The following ESR2 variants were observed in gnomAD, a reference collection of about 807,000 sequenced individuals.
ESR2 encodes the protein estrogen receptor 2.
In ESR2, 36 loss-of-function variants were observed where a neutral mutation model predicts 49.6. The ratio of observed to expected loss-of-function variants is 0.73; its 90% CI spans 0.56 to 0.96. The LOEUF is 0.96. Among genes scored for constraint, ESR2 ranks in the 40% least tolerant of loss-of-function variants. The pLI, the probability that ESR2 is intolerant of heterozygous loss-of-function variation, is 0.00. For missense variants in ESR2, 714 were observed against 693.0 expected (o/e 1.03, Z -0.34); for synonymous variants, 320 against 266.1 (o/e 1.20, Z -1.97).
At chr14:64,237,555 G>C (rs1394137409) in intron 7 of ESR2, among the ~76,000 whole-genome samples, 1 of 152,182 alleles carries the variant, frequency 6.6e-6, no homozygotes, top group Non-Finnish European at 1.5e-5. Context: ...TCAGTTCAAA[G>C]TGACAAAGAT....
downstream of ESR2, chr14:64,228,126 A>G: frequency 1.7e-6 from 2 of 1,153,970 alleles, no homozygotes; most frequent in South Asian, 2.2e-5. Flanking sequence ...ACATTAAAGC[A>G]GAGCTTCTTA....
At position 64,240,815 on chromosome 14, in the gene ESR2, C is replaced by G. The variant is rs187895919; in HGVS notation, c.1226-5665G>C. ...CTTTATATTAGATGATTTTGCCCAACTGCAGGGTAATGTAAGTATTCTGAA... is the reference window on the plus strand; with the variant it reads ...CTTTATATTAGATGATTTTGCCCAAGTGCAGGGTAATGTAAGTATTCTGAA... On this transcript the variant is annotated intron_variant, in intron 7 of 8. Transcript: ENST00000341099. Among the ~76,000 whole-genome samples, 18 of 152,276 alleles carry G rather than the reference C, an allele frequency of 1.2e-4. No homozygotes were observed. The East Asian group carries it at 3.3e-3, about 28-fold the overall frequency.
chr14:64,255,942 T>C lies in ESR2; in HGVS notation c.1091+1284A>G, dbSNP rs575350814. On this transcript the variant is annotated intron_variant, in intron 6 of 8. Coordinates refer to ENST00000341099, the MANE Select transcript of ESR2 (RefSeq NM_001437.3). ...GCAGAACAGTGCTCTTTTAATAACATTGTCAACCATGACAAAAGGCAGAAT... is the reference window on the plus strand; with the variant it reads ...GCAGAACAGTGCTCTTTTAATAACACTGTCAACCATGACAAAAGGCAGAAT... Among the ~76,000 whole-genome samples the C allele has an allele frequency of 1.8e-3, 272 of 152,306 alleles. 1 individual carries two copies. The highest frequency in any genetic ancestry group is 6.1e-3 in the African/African-American group (254 of 41,556).
chr14:64,280,132 A>G lies in ESR2; in HGVS notation c.384T>C (p.Val128=), dbSNP rs138182239. ...PVNRETLKRK[V]SGNRCASPVT... is the part of the protein sequence containing the mutation. ...CAGGGCTGGCGCAACGGTTCCCACT[A>G]ACCTTCCTTTTCAGTGTCTCTCTAG... The change falls in exon 3 of 9, where the codon GTT becomes GTC. Residue 128 remains valine (V), a synonymous_variant. Transcript: ENST00000341099. 54 of 1,614,022 alleles carry G rather than the reference A, an allele frequency of 3.3e-5. No homozygotes were observed. The African/African-American group carries it at 6.8e-4, about 20-fold the overall frequency.
intron 8 of ESR2, chr14:64,234,538 T>C (rs1042698181): frequency 1.5e-5 from 3 of 205,646 alleles, no homozygotes; most frequent in African/African-American, 6.9e-5. Context: ...AGAACAACTC[T>C]TAGGGAAGCA....
intron 1 of ESR2, among the ~76,000 whole-genome samples, chr14:64,306,876 AT>A (rs1450023465): frequency 1.3e-5 from 2 of 152,300 alleles, no homozygotes; most frequent in East Asian, 3.9e-4. Context: ...ATCATTTGGT[AT>A]AATTCACCAC....
At chr14:64,284,574 G>A (rs985606616) in intron 1 of ESR2, among the ~76,000 whole-genome samples, 8 of 151,870 alleles carry the variant, frequency 5.3e-5, no homozygotes, top group African/African-American at 1.7e-4. Context: ...TGCCTGTTTC[G>A]GCCTCCCAAA....
intron 7 of ESR2, 25 bp from the exon 8 acceptor site, chr14:64,235,175 G>A (rs74974452): frequency 1.7e-4 from 268 of 1,601,824 alleles, no homozygotes; most frequent in Non-Finnish European, 2.2e-4. Flanking sequence ...AAAGCCAGAA[G>A]TCATTGCTCT....
chr14:64,264,715 A>G (rs1019480656), intron 4 of ESR2, among the ~76,000 whole-genome samples: 2 of 152,046 alleles, frequency 1.3e-5, no homozygotes, highest in Non-Finnish European at 2.9e-5. Context: ...TACAAAAAAT[A>G]CAAAAATTAG....
At chr14:64,327,294 C>T (rs2077401286) in intron 1 of ESR2, among the ~76,000 whole-genome samples, 1 of 152,196 alleles carries the variant, frequency 6.6e-6, no homozygotes, top group African/African-American at 2.4e-5. Context: ...GGCACAGTGG[C>T]AAACGCCTGT....
chr14:64,234,832 T>A (rs929838821), intron 8 of ESR2, 138 bp downstream of exon 8: 2 of 1,469,784 alleles, frequency 1.4e-6, no homozygotes, highest in African/African-American at 2.8e-5. Flanking sequence ...TACAGGTGTG[T>A]GAACTGACAA....
At chr14:64,328,418 CA>C (rs529454785) in intron 1 of ESR2, among the ~76,000 whole-genome samples, 366 of 129,576 alleles carry the variant, frequency 2.8e-3, no homozygotes, top group Non-Finnish European at 2.5e-3. Flanking sequence ...GACCCTGTCT[CA>C]AAAAAAAAAA....
At chr14:64,320,901 T>TAAC (rs2077317875) in intron 1 of ESR2, among the ~76,000 whole-genome samples, 1 of 151,944 alleles carries the variant, frequency 6.6e-6, no homozygotes, top group Admixed American at 6.6e-5. Context: ...GCCTCAATAA[T>TAAC]AATAATAATA....
chr14:64,277,753 G>A (rs1049057312), intron 3 of ESR2, among the ~76,000 whole-genome samples: 4 of 151,034 alleles, frequency 2.6e-5, no homozygotes, highest in Non-Finnish European at 4.4e-5. Flanking sequence ...TTATATCAAA[G>A]ACAGGAAGCA....
chr14:64,284,844 G>T (rs765192408), intron 1 of ESR2, among the ~76,000 whole-genome samples: 1 of 148,698 alleles, frequency 6.7e-6, no homozygotes, highest in Non-Finnish European at 1.5e-5. Context: ...TCTCATTATC[G>T]CATTACTTTT....
chr14:64,255,839 C>T (rs2076086204), intron 6 of ESR2, among the ~76,000 whole-genome samples: 1 of 152,228 alleles, frequency 6.6e-6, no homozygotes, highest in African/African-American at 2.4e-5. Context: ...GGTTTACCAC[C>T]TGGGCTTGCT....
At chr14:64,235,218 T>G in intron 7 of ESR2, 68 bp from the exon 8 acceptor site, 4 of 1,520,100 alleles carry the variant, frequency 2.6e-6, no homozygotes, top group Non-Finnish European at 3.6e-6. Flanking sequence ...TGCTCAGCTG[T>G]TCCGTGCGCC....
At chr14:64,265,431 C>G (rs1041123416) in intron 4 of ESR2, among the ~76,000 whole-genome samples, 2 of 152,180 alleles carry the variant, frequency 1.3e-5, no homozygotes, top group African/African-American at 2.4e-5. Context: ...GCTCAAATAA[C>G]TTGTCTAAGA....
intron 1 of ESR2, 58 bp from the exon 2 acceptor site, chr14:64,283,133 A>C (rs894576775): frequency 1.5e-6 from 1 of 667,008 alleles, no homozygotes; most frequent in Non-Finnish European, 2.4e-6. Context: ...AACTATGAAA[A>C]TTTAAATATT....
Sources: allele counts gnomAD v4.1 joint callset (sites outside exome capture counted in the v4.1 genomes callset), GRCh38; gene constraint gnomAD v4.1.1; transcripts MANE v1.5; gene names NCBI Gene and HGNC (gene_info 2026-07-23, HGNC 2026-07-21).